The following PPP1R14D variants were observed in gnomAD, a reference collection of about 807,000 sequenced individuals.
PPP1R14D encodes the protein protein phosphatase 1 regulatory inhibitor subunit 14D.
PPP1R14D carries 14 observed loss-of-function variants against 17.1 expected under a neutral mutation model. That is an observed-to-expected ratio of 0.82 (90% CI 0.54 to 1.28). The LOEUF is 1.28. PPP1R14D is among the 50% of genes most tolerant of loss of function. The pLI is 0.00. For synonymous variants in PPP1R14D, 67 were observed against 66.1 expected (o/e 1.01, Z -0.06); for missense variants, 173 against 179.2 (o/e 0.97, Z 0.20).
intron 1 of PPP1R14D, 29 bp from the exon 2 acceptor site, chr15:40,816,282 G>A (rs367909691): frequency 1.4e-4 from 223 of 1,579,736 alleles, no homozygotes; most frequent in Non-Finnish European, 1.7e-4. Flanking sequence ...GGTCTCAGAG[G>A]GGCCTGACCA....
At chr15:40,815,807 C>A in intron 3 of PPP1R14D, 46 bp from the exon 4 acceptor site, 1 of 1,530,624 alleles carries the variant, frequency 6.5e-7, no homozygotes. Context: ...TCACAATTCA[C>A]CCCCCACCCT....
rs543108490 is a variant in PPP1R14D at position 40,824,375 on chromosome 15, GT to G, written c.255+4011del. Among the ~76,000 whole-genome samples, 1,051 of 143,482 alleles carry G rather than the reference GT, an allele frequency of 7.3e-3. 6 individuals carry two copies. The highest frequency in any genetic ancestry group is 0.036 in the East Asian group (177 of 4,946). 94.1% of individuals were successfully genotyped at this position (143,482 alleles called of 152,430 possible). A position where few individuals can be genotyped will look rare whatever the true frequency, so the allele number is the denominator to read the frequency against. On this transcript the variant is annotated intron_variant, in intron 1 of 3. Coordinates refer to ENST00000299174, the MANE Select transcript of PPP1R14D (RefSeq NM_017726.8). Reference sequence around the variant, plus strand: ...GTTTCACACATTCATTGACAATACTGTTTTTTTTTTTTTGAGATAGGGTCTT... The same window carrying G: ...GTTTCACACATTCATTGACAATACTGTTTTTTTTTTTTGAGATAGGGTCTT...
intron 1 of PPP1R14D, among the ~76,000 whole-genome samples, chr15:40,819,611 C>T (rs1001004284): frequency 6.6e-6 from 1 of 151,934 alleles, no homozygotes; most frequent in Non-Finnish European, 1.5e-5. Flanking sequence ...TGGGAATCTC[C>T]GAAAGAGTTC....
chr15:40,819,307 C>T (rs1045614632), intron 1 of PPP1R14D, among the ~76,000 whole-genome samples: 2 of 152,054 alleles, frequency 1.3e-5, no homozygotes, highest in African/African-American at 2.4e-5. Context: ...TGGCCAGGCG[C>T]GAGGCTGAGG....
intron 1 of PPP1R14D, among the ~76,000 whole-genome samples, chr15:40,820,058 G>T (rs1453426787): frequency 1.3e-5 from 2 of 151,660 alleles, no homozygotes; most frequent in Non-Finnish European, 2.9e-5. Flanking sequence ...TAGAGATGGG[G>T]TTTCTCCATG....
At chr15:40,815,937 A>G in intron 3 of PPP1R14D, 25 bp downstream of exon 3, 1 of 1,613,360 alleles carries the variant, frequency 6.2e-7, no homozygotes, top group Non-Finnish European at 8.5e-7. Flanking sequence ...CTCTTACCCC[A>G]GACCAGCAGA....
In PPP1R14D at chr15:40,828,420, T is replaced by G; in HGVS notation, c.222A>C (p.Gln74His). The G allele has an allele frequency of 1.2e-6, 2 of 1,611,418 alleles. No homozygotes were observed. Among genetic ancestry groups the G allele is most frequent in the South Asian group, 2.2e-5 (2 of 90,632 alleles). ...GCTCCTGAACTTGAGCATCCACCCATTGCTCCATCTCCAGCCAGCGCTGGA... is the reference window on the plus strand; with the variant it reads ...GCTCCTGAACTTGAGCATCCACCCAGTGCTCCATCTCCAGCCAGCGCTGGA... ...GQLQRWLEME[Q>H]WVDAQVQELF... The change falls in exon 1 of 4, where the codon CAA (glutamine) becomes CAC (histidine). Residue 74 changes from glutamine to histidine, a missense_variant. Coordinates refer to ENST00000299174, the MANE Select transcript of PPP1R14D (RefSeq NM_017726.8).
intron 1 of PPP1R14D, among the ~76,000 whole-genome samples, chr15:40,816,606 G>T (rs1890671652): frequency 6.6e-6 from 1 of 151,386 alleles, no homozygotes; most frequent in African/African-American, 2.4e-5. Flanking sequence ...CCAGCTACTT[G>T]GGAGGCTGAG....
At chr15:40,815,845 A>T in intron 3 of PPP1R14D, 84 bp from the exon 4 acceptor site, 2 of 1,362,334 alleles carry the variant, frequency 1.5e-6, no homozygotes, top group South Asian at 2.5e-5. Flanking sequence ...CCTGCCCCTG[A>T]CTCCCCAGAG....
At chr15:40,816,426 A>G (rs1378009372) in intron 1 of PPP1R14D, among the ~76,000 whole-genome samples, 173 bp from the exon 2 acceptor site, 2 of 152,196 alleles carry the variant, frequency 1.3e-5, no homozygotes, top group African/African-American at 4.8e-5. Context: ...CATATACTAT[A>G]TTTTGGCTGG....
chr15:40,828,313 C>G, intron 1 of PPP1R14D, 74 bp downstream of exon 1: 1 of 1,500,432 alleles, frequency 6.7e-7, no homozygotes, highest in South Asian at 1.4e-5. Context: ...AGCCCTCCAG[C>G]TCCTGTGAAG....
At chr15:40,817,341 C>T (rs1461218335) in intron 1 of PPP1R14D, 1 of 124,240 alleles carries the variant, frequency 8.0e-6, no homozygotes. Context: ...GGTGACAGAG[C>T]AAGACTCTGT....
At chr15:40,827,081 G>C (rs954739826) in intron 1 of PPP1R14D, among the ~76,000 whole-genome samples, 3 of 152,222 alleles carry the variant, frequency 2.0e-5, no homozygotes, top group Non-Finnish European at 2.9e-5. Context: ...TTAGGTCCTG[G>C]TATTGGCACT....
intron 1 of PPP1R14D, among the ~76,000 whole-genome samples, chr15:40,817,896 A>T (rs1890700316): frequency 6.6e-6 from 1 of 152,080 alleles, no homozygotes; most frequent in Non-Finnish European, 1.5e-5. Context: ...TACAGGCGTA[A>T]GCACCATGCC....
chr15:40,828,562 G>C lies in PPP1R14D; in HGVS notation c.80C>G (p.Ser27Cys). 6.2e-7 allele frequency: 1 copy of C among 1,614,234 alleles called. No homozygotes were observed. Among genetic ancestry groups the C allele is most frequent in the Non-Finnish European group, 8.5e-7 (1 of 1,180,038 alleles). ...ENPCKKVHWA[S>C]GRRRTSSTDS... ...TGTGGATGATGTCCTTCTCCTCCCA[G>C]AAGCCCAGTGGACCTTCTTACATGG... The change falls in exon 1 of 4, where the codon TCT becomes TGT. Residue 27 changes from serine to cysteine, a missense_variant. Transcript: ENST00000299174.
chr15:40,821,122 G>A lies in PPP1R14D; in HGVS notation c.256-4869C>T, dbSNP rs150543221. Among the ~76,000 whole-genome samples, 10 of 152,050 alleles carry A rather than the reference G, an allele frequency of 6.6e-5. 1 individual carries two copies. The highest frequency in any genetic ancestry group is 2.4e-4 in the African/African-American group (10 of 41,476). On this transcript the variant is annotated intron_variant, in intron 1 of 3. Transcript: ENST00000299174. ...GAGGCCGAGGTGGGGATCACCTCAGGTCAGGGGTTCGAGATCAGCCTGGCT... is the reference window on the plus strand; with the variant it reads ...GAGGCCGAGGTGGGGATCACCTCAGATCAGGGGTTCGAGATCAGCCTGGCT...
intron 1 of PPP1R14D, among the ~76,000 whole-genome samples, chr15:40,828,172 C>A (rs1404902850): frequency 1.3e-5 from 2 of 152,118 alleles, no homozygotes; most frequent in African/African-American, 4.8e-5. Context: ...TGTTAAAAGA[C>A]CTTCCCCAGA....
intron 1 of PPP1R14D, among the ~76,000 whole-genome samples, chr15:40,824,885 A>C (rs1321450245): frequency 6.6e-6 from 1 of 152,150 alleles, no homozygotes; most frequent in African/African-American, 2.4e-5. Flanking sequence ...GTGGAAACAG[A>C]AGCCGGATTC....
rs543353801 is a variant in PPP1R14D, at chr15:40,824,734, G to C, written c.255+3653C>G. On this transcript the variant is annotated intron_variant, in intron 1 of 3. Coordinates refer to ENST00000299174, the MANE Select transcript of PPP1R14D (RefSeq NM_017726.8). ...AAATTCTAATTAATAGAATTAAAAT[G>C]TCACTATATCAAAAAGGAAGCTACA... 2.2e-4 allele frequency among the ~76,000 whole-genome samples: 33 copies of C among 152,170 alleles called. 1 individual carries two copies. The South Asian group carries it at 6.6e-3, about 31-fold the overall frequency.
Sources: allele counts gnomAD v4.1 joint callset (sites outside exome capture counted in the v4.1 genomes callset), GRCh38; gene constraint gnomAD v4.1.1; transcripts MANE v1.5; gene names NCBI Gene and HGNC (gene_info 2026-07-23, HGNC 2026-07-21).